DGKB: variants seen among roughly 807,000 people sequenced by gnomAD.
DGKB encodes the protein 90 kDa diacylglycerol kinase.
DGKB carries 67 observed loss-of-function variants against 114.3 expected under a neutral mutation model. That is an observed-to-expected ratio of 0.59 (90% confidence interval 0.48 to 0.72). The LOEUF (loss-of-function observed/expected upper bound fraction) is 0.72, where lower values mean the gene tolerates loss of function less well. DGKB is among the 30% of genes least tolerant of loss of function. The pLI, the probability that DGKB is intolerant of heterozygous loss-of-function variation, is 0.00. For missense variants in DGKB, 907 were observed against 975.2 expected, an observed-to-expected ratio of 0.93 and a Z score of 0.93; for synonymous variants, 398 against 323.1, an observed-to-expected ratio of 1.23 and a Z score of -2.49.
intron 21 of DGKB, among the ~76,000 whole-genome samples, chr7:14,474,225 A>G (rs1781836636): frequency 6.6e-6 from 1 of 151,886 alleles, no homozygotes. Flanking sequence ...TTCTTATGAT[A>G]GTGAGTAAGT....
intron 2 of DGKB, among the ~76,000 whole-genome samples, chr7:14,814,348 A>G (rs1843817022): frequency 1.3e-5 from 2 of 152,264 alleles, no homozygotes; most frequent in Admixed American, 6.5e-5. Context: ...AAAGTGATGG[A>G]AAAAAATGGG....
intron 6 of DGKB, among the ~76,000 whole-genome samples, chr7:14,708,555 C>A (rs1433256235): frequency 6.6e-6 from 1 of 151,462 alleles, no homozygotes; most frequent in Non-Finnish European, 1.5e-5. Context: ...CACTACCTGA[C>A]TTCAAACTAT....
intron 13 of DGKB, among the ~76,000 whole-genome samples, 185 bp from the exon 14 acceptor site, chr7:14,630,453 T>C (rs372152867): frequency 6.6e-5 from 10 of 152,102 alleles, no homozygotes; most frequent in Middle Eastern, 6.3e-3. Context: ...AATAAGAAAT[T>C]ATCTAACACA....
At chr7:14,922,138 GA>G (rs11394044) in intron 1 of DGKB, among the ~76,000 whole-genome samples, 30 of 151,478 alleles carry the variant, frequency 2.0e-4, no homozygotes, top group African/African-American at 6.3e-4. Context: ...TATTGATGTA[GA>G]AAAAAAATGG....
In DGKB at chr7:14,562,725, C is replaced by T. The variant is rs540965384; in HGVS notation, c.1770+11487G>A. 6.6e-5 allele frequency among the ~76,000 whole-genome samples: 10 copies of T among 152,310 alleles called. No individual in the cohort carries two copies. In the East Asian group the frequency reaches 1.7e-3, roughly 26 times the overall value. ...TGTATTTACCCAATGTCTGTACCCC[C>T]ATTGTATCTAGGAAGCAATTAACTT... is the stretch of plus-strand genomic sequence containing the variant. On this transcript the variant is annotated intron_variant, in intron 20 of 25. Transcript: ENST00000402815.
At chr7:14,588,258 C>T (rs1431228706) in intron 17 of DGKB, among the ~76,000 whole-genome samples, 1 of 151,716 alleles carries the variant, frequency 6.6e-6, no homozygotes. Flanking sequence ...GATTTTAGTC[C>T]TTTTTGAATA....
At chr7:14,240,025 T>C (rs1040770297) in intron 23 of DGKB, among the ~76,000 whole-genome samples, 1 of 152,084 alleles carries the variant, frequency 6.6e-6, no homozygotes, top group Non-Finnish European at 1.5e-5. Flanking sequence ...CCACTGCGTA[T>C]ACGTTTTGTT....
At chr7:14,420,965 G>A (rs1221292412) in intron 21 of DGKB, among the ~76,000 whole-genome samples, 1 of 152,024 alleles carries the variant, frequency 6.6e-6, no homozygotes, top group Non-Finnish European at 1.5e-5. Context: ...CCCTTCCACT[G>A]CGTCACAGAT....
At chr7:14,356,256 T>C (rs1448215028) in intron 21 of DGKB, among the ~76,000 whole-genome samples, 1 of 151,728 alleles carries the variant, frequency 6.6e-6, no homozygotes, top group Non-Finnish European at 1.5e-5. Flanking sequence ...TTTTGAGGGG[T>C]TTTTTGACTC....
chr7:14,398,079 T>C (rs1477707998), intron 21 of DGKB, among the ~76,000 whole-genome samples: 1 of 152,106 alleles, frequency 6.6e-6, no homozygotes, highest in African/African-American at 2.4e-5. Flanking sequence ...TTTTACGCAT[T>C]GGAGAAATGC....
intron 1 of DGKB, among the ~76,000 whole-genome samples, chr7:14,921,963 C>A (rs1289770608): frequency 6.6e-6 from 1 of 152,132 alleles, no homozygotes; most frequent in Non-Finnish European, 1.5e-5. Flanking sequence ...ATGTTGCAAA[C>A]TATTTGTTAC....
intron 23 of DGKB, among the ~76,000 whole-genome samples, chr7:14,331,818 TGC>T (rs1809764679): frequency 1.3e-5 from 2 of 152,164 alleles, no homozygotes; most frequent in Non-Finnish European, 1.5e-5. Flanking sequence ...TGCTTTGTTT[TGC>T]TTTTCTTCAT....
At chr7:14,615,164 C>T (rs1476470411) in intron 15 of DGKB, among the ~76,000 whole-genome samples, 2 of 151,990 alleles carry the variant, frequency 1.3e-5, no homozygotes, top group African/African-American at 2.4e-5. Flanking sequence ...TGAACTGTTT[C>T]TACTGGTTTT....
intron 17 of DGKB, among the ~76,000 whole-genome samples, chr7:14,584,761 G>C (rs28599592): frequency 0.056 from 8,561 of 151,656 alleles, 831 homozygotes; most frequent in African/African-American, 0.19. Context: ...TGGGTTCAAG[G>C]GATTCTCCTG....
intron 1 of DGKB, among the ~76,000 whole-genome samples, chr7:14,967,015 T>C (rs943837425): frequency 1.3e-5 from 2 of 152,212 alleles, no homozygotes; most frequent in Admixed American, 6.5e-5. Flanking sequence ...TTATATATAA[T>C]GCAAACCTTT....
chr7:14,811,761 GTAAATATATATATGTAACA>G (rs754465354), intron 2 of DGKB, among the ~76,000 whole-genome samples: 24 of 151,752 alleles, frequency 1.6e-4, no homozygotes, highest in African/African-American at 5.6e-4. Flanking sequence ...TTTGAGGTAA[GTAAATATATATATGTAACA>G]TAAATATATA....
intron 2 of DGKB, among the ~76,000 whole-genome samples, chr7:14,786,740 A>G (rs184722602): frequency 2.6e-5 from 4 of 152,284 alleles, no homozygotes; most frequent in African/African-American, 9.6e-5. Flanking sequence ...ACACTGACAC[A>G]TCAGCCCCCT....
intron 2 of DGKB, among the ~76,000 whole-genome samples, chr7:14,803,238 G>A (rs1273998065): frequency 2.0e-5 from 3 of 152,062 alleles, no homozygotes. Context: ...CACAGCACCA[G>A]TCTTGAGCAA....
intron 21 of DGKB, among the ~76,000 whole-genome samples, chr7:14,361,252 A>C (rs986892959): frequency 1.3e-5 from 2 of 152,068 alleles, no homozygotes; most frequent in South Asian, 4.1e-4. Flanking sequence ...AAACAGAAAA[A>C]ACAGAACAGT....
Sources: gnomAD v4.1 joint callset for allele counts (sites outside exome capture counted in the v4.1 genomes callset) on GRCh38, gnomAD v4.1.1 for gene constraint, MANE v1.5 for transcripts, NCBI Gene and HGNC (gene_info 2026-07-23, HGNC 2026-07-21) for gene names.